The following GLRB variants were observed in gnomAD, a reference collection of about 807,000 sequenced individuals.
The protein encoded by GLRB is glycine receptor subunit beta.
Under a neutral mutation model 54.2 loss-of-function variants are expected in GLRB, and 33 were observed. The ratio of observed to expected loss-of-function variants is 0.61; its 90% confidence interval spans 0.46 to 0.81. The LOEUF is 0.81. Ranked by LOEUF, GLRB falls within the 40% of genes least tolerant of loss-of-function variation. The probability of loss-of-function intolerance (pLI) is 0.00; values close to 1 mark genes in which losing one functional copy is unlikely to be tolerated. For synonymous variants in GLRB, 209 were observed against 208.2 expected (o/e 1.00, Z -0.03); for missense variants, 572 against 584.6 (o/e 0.98, Z 0.22).
intron 2 of GLRB, among the ~76,000 whole-genome samples, chr4:157,089,598 T>C (rs1414640817): frequency 1.3e-5 from 2 of 152,194 alleles, no homozygotes; most frequent in Admixed American, 6.5e-5. Flanking sequence ...CCTCTCTGAC[T>C]ACAGCTGATT....
intron 8 of GLRB, among the ~76,000 whole-genome samples, chr4:157,146,808 G>A (rs1423858323): frequency 6.6e-6 from 1 of 151,832 alleles, no homozygotes; most frequent in Non-Finnish European, 1.5e-5. Context: ...GCAACAGAGT[G>A]AGACTCCATC....
intron 2 of GLRB, among the ~76,000 whole-genome samples, chr4:157,105,346 C>T (rs919746658): frequency 2.0e-5 from 3 of 151,934 alleles, no homozygotes; most frequent in Non-Finnish European, 2.9e-5. Context: ...CCTTTTGATG[C>T]TGATTTCCAG....
intron 2 of GLRB, among the ~76,000 whole-genome samples, chr4:157,107,101 C>A (rs1735253637): frequency 6.6e-6 from 1 of 152,068 alleles, no homozygotes; most frequent in Non-Finnish European, 1.5e-5. Context: ...TGCCACAAAT[C>A]ATGCCCACAT....
At chr4:157,119,353 G>A (rs1228031616) in intron 2 of GLRB, among the ~76,000 whole-genome samples, 3 of 151,702 alleles carry the variant, frequency 2.0e-5, no homozygotes, top group African/African-American at 7.2e-5. Flanking sequence ...CAGCATGATT[G>A]CCTTATGAAT....
intron 2 of GLRB, among the ~76,000 whole-genome samples, chr4:157,110,578 CTGTT>C (rs1249563570): frequency 2.0e-5 from 3 of 152,028 alleles, no homozygotes; most frequent in South Asian, 2.1e-4. Flanking sequence ...AAAGATATGA[CTGTT>C]TGTTTTAAAT....
intron 2 of GLRB, among the ~76,000 whole-genome samples, chr4:157,089,141 A>G (rs6852248): frequency 0.013 from 1,984 of 152,268 alleles, 47 homozygotes; most frequent in African/African-American, 0.045. Context: ...TGTAATCTCA[A>G]TACTTCAGGA....
intron 7 of GLRB, among the ~76,000 whole-genome samples, chr4:157,140,736 A>G (rs1736576936): frequency 6.6e-6 from 1 of 151,960 alleles, no homozygotes; most frequent in Non-Finnish European, 1.5e-5. Context: ...GAGTCCTATT[A>G]TAGTTTGAAA....
chr4:157,153,082 T>C, intron 9 of GLRB, 72 bp downstream of exon 9: 1 of 1,275,550 alleles, frequency 7.8e-7, no homozygotes, highest in Non-Finnish European at 1.1e-6. Context: ...GACACCTTTG[T>C]GTATGTGACA....
At chr4:157,130,369 C>G (rs2126552263) in intron 4 of GLRB, among the ~76,000 whole-genome samples, 1 of 151,792 alleles carries the variant, frequency 6.6e-6, no homozygotes, top group Middle Eastern at 3.4e-3. Context: ...TTAGTGAAAT[C>G]ACATTCTTAG....
chr4:157,153,293 T>C (rs1195320552), intron 9 of GLRB, among the ~76,000 whole-genome samples: 1 of 152,210 alleles, frequency 6.6e-6, no homozygotes, highest in African/African-American at 2.4e-5. Flanking sequence ...GCTTTGATGG[T>C]CACCATTGAA....
intron 4 of GLRB, among the ~76,000 whole-genome samples, chr4:157,134,429 G>A (rs1049518351): frequency 1.3e-5 from 2 of 152,060 alleles, no homozygotes; most frequent in African/African-American, 2.4e-5. Flanking sequence ...GATTGAGGCT[G>A]CAGTGAGCTG....
chr4:157,100,685 T>TA (rs768527310), intron 2 of GLRB, among the ~76,000 whole-genome samples: 48 of 151,500 alleles, frequency 3.2e-4, no homozygotes, highest in Middle Eastern at 6.9e-3. Flanking sequence ...AACATTAAAT[T>TA]AAAAAAAAAC....
intron 2 of GLRB, among the ~76,000 whole-genome samples, chr4:157,089,949 A>G (rs1734550736): frequency 6.6e-6 from 1 of 151,998 alleles, no homozygotes; most frequent in African/African-American, 2.4e-5. Context: ...CTCATCAATT[A>G]CTCATTCTGT....
In GLRB at chr4:157,080,325, C is replaced by T. The variant is rs190054706; in HGVS notation, c.122+2179C>T. On this transcript the variant is annotated intron_variant, in intron 2 of 9. Transcript: ENST00000264428. The stretch of plus-strand genomic sequence containing the variant: ...TTGAAATTTTATCTTTGAATTTTTA[C>T]ATTATAGGTTTTTTAAAAATAATTA... Among the ~76,000 whole-genome samples, 10 of 152,202 alleles carry T rather than the reference C, an allele frequency of 6.6e-5. No homozygotes were observed. The East Asian group carries it at 1.9e-3, about 29-fold the overall frequency.
intron 2 of GLRB, among the ~76,000 whole-genome samples, chr4:157,092,194 T>G (rs1220473709): frequency 6.6e-6 from 1 of 151,962 alleles, no homozygotes; most frequent in Non-Finnish European, 1.5e-5. Flanking sequence ...TATTCTGGGG[T>G]TTTTAATAGA....
chr4:157,157,218 C>A (rs886069794), intron 9 of GLRB, among the ~76,000 whole-genome samples: 6 of 152,194 alleles, frequency 3.9e-5, no homozygotes, highest in Non-Finnish European at 5.9e-5. Flanking sequence ...TAAGTCCATA[C>A]TCCCTACATA....
chr4:157,101,527 T>A (rs756736395), intron 2 of GLRB, among the ~76,000 whole-genome samples: 2 of 152,032 alleles, frequency 1.3e-5, no homozygotes, highest in African/African-American at 4.8e-5. Flanking sequence ...ACTTCTCCCC[T>A]CCTTACAATG....
chr4:157,129,528 C>A (rs1459973059), intron 4 of GLRB, among the ~76,000 whole-genome samples: 1 of 151,658 alleles, frequency 6.6e-6, no homozygotes, highest in Non-Finnish European at 1.5e-5. Context: ...TTAAAAGATA[C>A]ATAAGCTTGC....
At chr4:157,088,056 T>C (rs1734476049) in intron 2 of GLRB, among the ~76,000 whole-genome samples, 1 of 152,158 alleles carries the variant, frequency 6.6e-6, no homozygotes, top group Non-Finnish European at 1.5e-5. Flanking sequence ...AATAATATTT[T>C]TAGGGCTCTG....
Sources: allele counts gnomAD v4.1 joint callset (sites outside exome capture counted in the v4.1 genomes callset), GRCh38; gene constraint gnomAD v4.1.1; transcripts MANE v1.5; gene names NCBI Gene and HGNC (gene_info 2026-07-23, HGNC 2026-07-21).